The following SATB2 variants were observed in gnomAD, a reference collection of about 807,000 sequenced individuals.
The protein encoded by SATB2 is SATB homeobox 2, also known as DNA-binding protein SATB2.
In SATB2, 1 loss-of-function variant was observed where a neutral mutation model predicts 73.4. That is an observed-to-expected ratio of 0.01 (90% CI 0.00 to 0.06). SATB2 has a LOEUF of 0.06. SATB2 is among the 10% of genes least tolerant of loss of function. The probability of loss-of-function intolerance (pLI) is 1.00; values close to 1 mark genes in which losing one functional copy is unlikely to be tolerated. For synonymous variants in SATB2, 397 were observed against 367.0 expected (o/e 1.08, Z -0.93); for missense variants, 459 against 945.8 (o/e 0.49, Z 6.75).
chr2:199,342,448 G>A (rs1291584846), intron 7 of SATB2, among the ~76,000 whole-genome samples: 1 of 151,642 alleles, frequency 6.6e-6, no homozygotes, highest in Non-Finnish European at 1.5e-5. Context: ...AAAAAGAGTG[G>A]TGATACTCAG....
chr2:199,423,978 C>A (rs1691251818), intron 3 of SATB2: 2 of 152,218 alleles, frequency 1.3e-5, no homozygotes, highest in African/African-American at 2.4e-5. Flanking sequence ...TCTGCGCTGT[C>A]TGATTTGCAT....
At chr2:199,311,181 C>T (rs1050675195) in intron 9 of SATB2, among the ~76,000 whole-genome samples, 6 of 152,146 alleles carry the variant, frequency 3.9e-5, no homozygotes, top group African/African-American at 1.4e-4. Flanking sequence ...GCCAACAAGA[C>T]CCTGTTCTTA....
rs1208115587 is a variant in SATB2, at chr2:199,270,311, CAT to C, written c.*1898_*1899del. The stretch of plus-strand genomic sequence containing the variant: ...CAGCTAGAATTAGCTTGTATTGCAA[CAT>C]GTCTTCTCCCTGTATATTGTAAGTT... On this transcript the variant is annotated 3_prime_UTR_variant, in exon 11 of 11. Coordinates refer to ENST00000417098, the MANE Select transcript of SATB2 (RefSeq NM_001172509.2). The C allele has an allele frequency of 1.3e-5, 2 of 152,618 alleles. No individual in the cohort carries two copies. The highest frequency in any genetic ancestry group is 2.9e-5 in the Non-Finnish European group (2 of 68,016). 9.5% of individuals were successfully genotyped at this position (152,618 alleles called of 1,614,324 possible). A position where few individuals can be genotyped will look rare whatever the true frequency, so the allele number is the denominator to read the frequency against.
At chr2:199,429,287 T>C (rs1691429717) in intron 3 of SATB2, among the ~76,000 whole-genome samples, 1 of 152,266 alleles carries the variant, frequency 6.6e-6, no homozygotes, top group Non-Finnish European at 1.5e-5. Context: ...CTTTTTTTAT[T>C]AGAAAAAGAA....
At chr2:199,434,356 A>C (rs1321169991) in intron 2 of SATB2, among the ~76,000 whole-genome samples, 1 of 152,224 alleles carries the variant, frequency 6.6e-6, no homozygotes, top group Non-Finnish European at 1.5e-5. Flanking sequence ...AATCTGTTGA[A>C]ATCTGTTGTC....
rs1232198166 is a variant in SATB2, at chr2:199,464,546, A to G, written c.-141+290T>C. On this transcript the variant is annotated intron_variant, in intron 1 of 11. Coordinates refer to the SATB2 transcript ENST00000260926. This position sits in a 1 kb window ranked among gnomAD's most constrained non-coding sequence, Gnocchi z 6.6. ...TTGCAAAGCTCCCAGACCCACACAA[A>G]ACACTAGCGAGCCCTGGAGGTCTGA... is the stretch of plus-strand genomic sequence containing the variant. 1.3e-5 allele frequency among the ~76,000 whole-genome samples: 2 copies of G among 151,946 alleles called. No individual in the cohort carries two copies. Among genetic ancestry groups the G allele is most frequent in the African/African-American group, 4.8e-5 (2 of 41,394 alleles).
At chr2:199,328,547 A>G in intron 8 of SATB2, 151 bp downstream of exon 8, 1 of 592,784 alleles carries the variant, frequency 1.7e-6, no homozygotes, top group Non-Finnish European at 2.8e-6. Flanking sequence ...TCTCAAAAAA[A>G]TTAAAATAAA....
intron 10 of SATB2, among the ~76,000 whole-genome samples, chr2:199,295,672 G>C (rs888923617): frequency 1.3e-5 from 2 of 152,112 alleles, no homozygotes; most frequent in African/African-American, 4.8e-5. Flanking sequence ...CCCTTTGCCT[G>C]GCCTGACTTA....
intron 5 of SATB2, among the ~76,000 whole-genome samples, chr2:199,375,544 A>G (rs1370643744): frequency 1.3e-5 from 2 of 152,184 alleles, no homozygotes; most frequent in Non-Finnish European, 2.9e-5. Flanking sequence ...CACCTTCAAA[A>G]CTGCTCTTTT....
chr2:199,309,024 C>A (rs1199196290), intron 9 of SATB2, 67 bp from the exon 10 acceptor site: 25 of 1,209,724 alleles, frequency 2.1e-5, no homozygotes, highest in Non-Finnish European at 2.9e-5. Flanking sequence ...GCCTTGACTG[C>A]GGTCCAGTGC....
Position 199,328,691 on chromosome 2 carries a change from T to C in SATB2, c.1386+7A>G. 4 of 1,611,094 alleles carry C rather than the reference T, an allele frequency of 2.5e-6. No individual in the cohort carries two copies. Among genetic ancestry groups the C allele is most frequent in the Non-Finnish European group, 3.4e-6 (4 of 1,178,668 alleles). Reference sequence around the variant, plus strand: ...AGAGTGAAAAATACGGAAAGCAAGTTTCTCACCTGAGGGGTTCGGGAGGAG... The same window carrying C: ...AGAGTGAAAAATACGGAAAGCAAGTCTCTCACCTGAGGGGTTCGGGAGGAG... On this transcript the variant is annotated splice_region_variant and intron_variant, in intron 8 of 10. Coordinates refer to ENST00000417098, the MANE Select transcript of SATB2 (RefSeq NM_001172509.2).
At chr2:199,291,299 A>ACTGTCTT (rs1164128173) in intron 10 of SATB2, among the ~76,000 whole-genome samples, 4 of 152,188 alleles carry the variant, frequency 2.6e-5, no homozygotes, top group African/African-American at 9.7e-5. Flanking sequence ...AGAGCCACAA[A>ACTGTCTT]CTGTCTTTAC....
intron 7 of SATB2, among the ~76,000 whole-genome samples, chr2:199,338,082 G>T (rs1384902251): frequency 2.0e-5 from 3 of 151,934 alleles, no homozygotes; most frequent in African/African-American, 7.3e-5. Context: ...TGCAAGTTTC[G>T]GCCGGATGTG....
At chr2:199,291,884 C>T (rs1692873939) in intron 10 of SATB2, among the ~76,000 whole-genome samples, 1 of 151,684 alleles carries the variant, frequency 6.6e-6, no homozygotes, top group Admixed American at 6.6e-5. Flanking sequence ...GCACTCCAGC[C>T]TGGGGGACAC....
In SATB2 at chr2:199,308,351, C is replaced by T. The variant is rs550968385; in HGVS notation, c.1740+409G>A. ...ATTTCTTTTCCTCAGTCTAATCAAA[C>T]ATTCTTTGAGGGATTTTGGATGCAA... On this transcript the variant is annotated intron_variant, in intron 10 of 10. Transcript: ENST00000417098. The surrounding 1 kb of genome is among the most constrained non-coding windows in gnomAD (Gnocchi z 4.6). Among the ~76,000 whole-genome samples, 6 of 152,244 alleles carry T rather than the reference C, an allele frequency of 3.9e-5. No homozygotes were observed. The highest frequency in any genetic ancestry group is 1.2e-4 in the African/African-American group (5 of 41,546).
intron 6 of SATB2, among the ~76,000 whole-genome samples, chr2:199,361,338 A>T (rs1171592392): frequency 6.6e-6 from 1 of 151,434 alleles, no homozygotes; most frequent in African/African-American, 2.4e-5. Context: ...ACTTACTCTC[A>T]CCAAGTCTCA....
intron 3 of SATB2, among the ~76,000 whole-genome samples, chr2:199,421,911 A>G (rs1691182756): frequency 6.6e-6 from 1 of 152,250 alleles, no homozygotes; most frequent in Non-Finnish European, 1.5e-5. Flanking sequence ...GAACAACTGT[A>G]TCTGCACATA....
intron 2 of SATB2, among the ~76,000 whole-genome samples, chr2:199,442,840 T>C (rs539702017): frequency 6.6e-6 from 1 of 152,290 alleles, no homozygotes; most frequent in East Asian, 1.9e-4. Flanking sequence ...GTATGGCATA[T>C]TGTTGAAGTA....
At chr2:199,408,249 T>C (rs1690695940) in intron 3 of SATB2, among the ~76,000 whole-genome samples, 1 of 152,156 alleles carries the variant, frequency 6.6e-6, no homozygotes, top group Non-Finnish European at 1.5e-5. Context: ...ATGATTTAGA[T>C]TCAAAAGGAT....
Sources: allele counts gnomAD v4.1 joint callset (sites outside exome capture counted in the v4.1 genomes callset), GRCh38; gene constraint gnomAD v4.1.1; non-coding constraint Gnocchi (gnomAD v3.1); transcripts MANE v1.5; gene names NCBI Gene and HGNC (gene_info 2026-07-23, HGNC 2026-07-21).